The following CSNK2A2IP variants were observed in gnomAD, a reference collection of about 807,000 sequenced individuals.
The protein encoded by CSNK2A2IP is casein kinase 2 subunit alpha' interacting protein.
the CSNK2A2IP span, among the ~76,000 whole-genome samples, chr3:88,442,052 T>C: frequency 6.6e-6 from 1 of 152,176 alleles, no homozygotes; most frequent in African/African-American, 2.4e-5. Context: ...TTAAAGGAGA[T>C]ACCAGATTTA....
the CSNK2A2IP span, among the ~76,000 whole-genome samples, chr3:88,388,174 G>A: frequency 5.9e-5 from 9 of 151,932 alleles, no homozygotes; most frequent in African/African-American, 2.2e-4. Flanking sequence ...ATTCCATGAC[G>A]TCTTTGCTGA....
At chr3:88,383,278 G>A in the CSNK2A2IP span, among the ~76,000 whole-genome samples, 7 of 152,162 alleles carry the variant, frequency 4.6e-5, no homozygotes, top group African/African-American at 1.7e-4. Context: ...AAACATTATG[G>A]ACATTGGAGT....
At chr3:88,466,154 A>G in the CSNK2A2IP span, 1 of 1,231,624 alleles carries the variant, frequency 8.1e-7, no homozygotes, top group East Asian at 3.2e-5. Flanking sequence ...AAACCCAATC[A>G]AATTGCTCTT....
the CSNK2A2IP span, among the ~76,000 whole-genome samples, chr3:88,355,408 C>T: frequency 1.3e-5 from 2 of 152,014 alleles, no homozygotes; most frequent in Non-Finnish European, 2.9e-5. Context: ...AAATAATCTC[C>T]TCTGGTCTTT....
the CSNK2A2IP span, among the ~76,000 whole-genome samples, chr3:88,430,040 C>T: frequency 3.9e-5 from 6 of 151,988 alleles, no homozygotes; most frequent in Non-Finnish European, 8.8e-5. Flanking sequence ...GGAGTACAGG[C>T]GTGAGCCACT....
At chr3:88,426,291 T>C in the CSNK2A2IP span, among the ~76,000 whole-genome samples, 564 of 152,292 alleles carry the variant, frequency 3.7e-3, 3 homozygotes, top group African/African-American at 0.013. Flanking sequence ...ATTCTAATGG[T>C]CCCTGGCAAG....
chr3:88,396,957 T>C, the CSNK2A2IP span, among the ~76,000 whole-genome samples: 2 of 152,156 alleles, frequency 1.3e-5, no homozygotes, highest in Non-Finnish European at 2.9e-5. Flanking sequence ...GAGTTAGTGA[T>C]AGCTTGAATA....
At chr3:88,357,001 T>A in the CSNK2A2IP span, among the ~76,000 whole-genome samples, 1 of 152,148 alleles carries the variant, frequency 6.6e-6, no homozygotes, top group Non-Finnish European at 1.5e-5. Flanking sequence ...TATTTATATT[T>A]TGGTTATTAA....
At chr3:88,449,967 A>G in the CSNK2A2IP span, among the ~76,000 whole-genome samples, 1 of 149,276 alleles carries the variant, frequency 6.7e-6, no homozygotes. Flanking sequence ...ATCTGGGTTC[A>G]AGCAATTCTC....
At chr3:88,413,053 C>T in the CSNK2A2IP span, among the ~76,000 whole-genome samples, 3 of 151,872 alleles carry the variant, frequency 2.0e-5, no homozygotes, top group Non-Finnish European at 4.4e-5. Flanking sequence ...TTTTTTATTG[C>T]TAAGTTTTTT....
chr3:88,395,958 G>C, the CSNK2A2IP span, among the ~76,000 whole-genome samples: 1 of 152,148 alleles, frequency 6.6e-6, no homozygotes, highest in South Asian at 2.1e-4. Flanking sequence ...AGTATCTGCT[G>C]TATGTAGTTG....
the CSNK2A2IP span, among the ~76,000 whole-genome samples, chr3:88,430,237 A>G: frequency 6.6e-6 from 1 of 152,102 alleles, no homozygotes; most frequent in African/African-American, 2.4e-5. Flanking sequence ...TTCCTGAAAG[A>G]AAGGTTTGAT....
chr3:88,361,966 T>G, the CSNK2A2IP span, among the ~76,000 whole-genome samples: 1 of 152,122 alleles, frequency 6.6e-6, no homozygotes, highest in African/African-American at 2.4e-5. Context: ...CTGTTTTAAC[T>G]TTTTCTGATA....
chr3:88,426,048 T>G, the CSNK2A2IP span, among the ~76,000 whole-genome samples: 1 of 152,180 alleles, frequency 6.6e-6, no homozygotes, highest in African/African-American at 2.4e-5. Context: ...ATGGTAAGCA[T>G]TCTAAATATT....
At chr3:88,425,589 A>G in the CSNK2A2IP span, among the ~76,000 whole-genome samples, 222 of 152,262 alleles carry the variant, frequency 1.5e-3, 2 homozygotes, top group African/African-American at 5.0e-3. Context: ...TTGCTCTGCA[A>G]TAATTCTAAC....
chr3:88,373,574 A>G, the CSNK2A2IP span, among the ~76,000 whole-genome samples: 3 of 145,658 alleles, frequency 2.1e-5, no homozygotes, highest in Non-Finnish European at 1.5e-5. Context: ...TGGGCTGGAG[A>G]AAGAATAACA....
At chr3:88,430,130 TCCTTGGC>T in the CSNK2A2IP span, among the ~76,000 whole-genome samples, 2 of 152,216 alleles carry the variant, frequency 1.3e-5, no homozygotes, top group East Asian at 3.9e-4. Context: ...GGCTATTGCT[TCCTTGGC>T]TATTGCTTTA....
chr3:88,360,029 C>A, the CSNK2A2IP span, among the ~76,000 whole-genome samples: 1 of 152,054 alleles, frequency 6.6e-6, no homozygotes, highest in Non-Finnish European at 1.5e-5. Flanking sequence ...CTTTATACAT[C>A]TGTGTGCTTC....
chr3:88,370,625 T>C, the CSNK2A2IP span, among the ~76,000 whole-genome samples: 8 of 151,288 alleles, frequency 5.3e-5, no homozygotes, highest in Non-Finnish European at 1.0e-4. Flanking sequence ...TCTTTCTTTC[T>C]TTCTTTCTTT....
Sources: allele counts gnomAD v4.1 joint callset (sites outside exome capture counted in the v4.1 genomes callset), GRCh38; gene constraint gnomAD v4.1.1; transcripts MANE v1.5; gene names NCBI Gene and HGNC (gene_info 2026-07-23, HGNC 2026-07-21).